Variants in RGS6 observed in about 807,000 individuals in gnomAD.
The protein encoded by RGS6 is regulator of G protein signaling 6.
RGS6 carries 30 observed loss-of-function variants against 78.5 expected under a neutral mutation model. The ratio of observed to expected loss-of-function variants is 0.38; its 90% CI spans 0.29 to 0.52. The LOEUF is 0.52. Ranked by LOEUF, RGS6 falls within the 20% of genes least tolerant of loss-of-function variation. The pLI, the probability that RGS6 is intolerant of heterozygous loss-of-function variation, is 0.85. For synonymous variants in RGS6, 206 were observed against 206.0 expected (o/e 1.00, Z 0.00); for missense variants, 495 against 609.7 (o/e 0.81, Z 1.98).
At chr14:72,042,353 T>C (rs1450927793) in intron 2 of RGS6, among the ~76,000 whole-genome samples, 1 of 152,052 alleles carries the variant, frequency 6.6e-6, no homozygotes, top group African/African-American at 2.4e-5. Flanking sequence ...GGTCTCAAAC[T>C]CCTGATCTCA....
intron 3 of RGS6, among the ~76,000 whole-genome samples, chr14:72,416,019 G>A (rs1009707385): frequency 1.3e-5 from 2 of 151,898 alleles, no homozygotes; most frequent in South Asian, 2.1e-4. Flanking sequence ...GGGGTGTTGC[G>A]TGCCTGTAAT....
chr14:72,100,356 G>A (rs767807156), intron 2 of RGS6, among the ~76,000 whole-genome samples: 6 of 152,012 alleles, frequency 3.9e-5, no homozygotes, highest in African/African-American at 9.7e-5. Flanking sequence ...TTAGCTAGGC[G>A]TGGTGGTGCA....
At chr14:71,954,352 G>T (rs778685883) in intron 1 of RGS6, among the ~76,000 whole-genome samples, 17 of 151,288 alleles carry the variant, frequency 1.1e-4, no homozygotes, top group Non-Finnish European at 1.5e-4. Flanking sequence ...TTCTGCTCTG[G>T]TTTTTTTCCT....
At chr14:72,050,139 C>A (rs2093136656) in intron 2 of RGS6, among the ~76,000 whole-genome samples, 1 of 151,978 alleles carries the variant, frequency 6.6e-6, no homozygotes, top group African/African-American at 2.4e-5. Context: ...ATGAGGTAAA[C>A]TGAAATGTGA....
chr14:72,013,412 T>A (rs1440159203), intron 2 of RGS6, among the ~76,000 whole-genome samples: 2 of 151,974 alleles, frequency 1.3e-5, no homozygotes, highest in Non-Finnish European at 2.9e-5. Context: ...CACAGCTATC[T>A]CAACATATGG....
At chr14:72,098,971 G>A (rs556017740) in intron 2 of RGS6, among the ~76,000 whole-genome samples, 1 of 152,278 alleles carries the variant, frequency 6.6e-6, no homozygotes, top group Admixed American at 6.5e-5. Flanking sequence ...ATTTTAAGGG[G>A]CATCAGTCTC....
At chr14:72,430,696 TGTG>T (rs1445092008) in intron 3 of RGS6, among the ~76,000 whole-genome samples, 3 of 152,298 alleles carry the variant, frequency 2.0e-5, no homozygotes, top group East Asian at 1.9e-4. Context: ...TTTTTTTCTG[TGTG>T]GTGTTGTTGT....
chr14:72,061,864 A>G (rs567892224), intron 2 of RGS6, among the ~76,000 whole-genome samples: 1 of 152,342 alleles, frequency 6.6e-6, no homozygotes, highest in South Asian at 2.1e-4. Flanking sequence ...TAATTCATTC[A>G]TTCTTTATTT....
intron 2 of RGS6, among the ~76,000 whole-genome samples, chr14:72,180,496 A>T (rs1187833159): frequency 3.3e-5 from 5 of 152,244 alleles, no homozygotes; most frequent in Non-Finnish European, 1.5e-5. Flanking sequence ...AGAAAATCTC[A>T]GTCTTGGGTT....
At chr14:72,518,225 T>A (rs2096979955) in intron 14 of RGS6, 126 bp from the exon 15 acceptor site, 1 of 794,062 alleles carries the variant, frequency 1.3e-6, no homozygotes, top group Non-Finnish European at 2.0e-6. Context: ...GCTCATGTAG[T>A]GGCATCAGGG....
At chr14:71,908,117 C>G in the RGS6 span, 1 of 152,222 alleles carries the variant, frequency 6.6e-6, no homozygotes, top group African/African-American at 2.4e-5. Context: ...CAGAGCCGAT[C>G]CTCACACAGT....
At chr14:72,352,795 A>C (rs1211980856) in intron 3 of RGS6, among the ~76,000 whole-genome samples, 1 of 152,168 alleles carries the variant, frequency 6.6e-6, no homozygotes, top group African/African-American at 2.4e-5. Context: ...CCCCTTGGGT[A>C]CCTACTGTAT....
chr14:72,482,699 A>G (rs1242895356), intron 12 of RGS6, among the ~76,000 whole-genome samples: 1 of 152,144 alleles, frequency 6.6e-6, no homozygotes, highest in Non-Finnish European at 1.5e-5. Flanking sequence ...CCTTTTCCAC[A>G]TGGGGATAGT....
chr14:71,910,836 A>G, the RGS6 span, among the ~76,000 whole-genome samples: 1 of 152,166 alleles, frequency 6.6e-6, no homozygotes, highest in African/African-American at 2.4e-5. Flanking sequence ...GAAGGATGCA[A>G]TTTGGGAAAA....
intron 2 of RGS6, among the ~76,000 whole-genome samples, chr14:72,120,714 A>G (rs1283738716): frequency 6.6e-6 from 1 of 152,192 alleles, no homozygotes; most frequent in African/African-American, 2.4e-5. Context: ...TGACCCTTGG[A>G]TTTCATTTAT....
At chr14:72,486,345 G>A (rs139916316) in intron 12 of RGS6, among the ~76,000 whole-genome samples, 35 of 152,276 alleles carry the variant, frequency 2.3e-4, no homozygotes, top group African/African-American at 6.7e-4. Flanking sequence ...CCTCACTTGC[G>A]TCAGGTATCT....
intron 2 of RGS6, among the ~76,000 whole-genome samples, chr14:72,236,739 T>G (rs1212640525): frequency 1.3e-5 from 2 of 152,194 alleles, no homozygotes; most frequent in Non-Finnish European, 2.9e-5. Flanking sequence ...GAGGTGCTCC[T>G]CACTTCCCAG....
intron 2 of RGS6, among the ~76,000 whole-genome samples, chr14:72,256,723 G>C (rs1489995594): frequency 6.6e-6 from 1 of 152,216 alleles, no homozygotes; most frequent in Non-Finnish European, 1.5e-5. Context: ...ATATCCAGAA[G>C]AGTTAGCTTG....
chr14:72,095,844 G>C (rs1325650635), intron 2 of RGS6, among the ~76,000 whole-genome samples: 1 of 152,220 alleles, frequency 6.6e-6, no homozygotes, highest in Non-Finnish European at 1.5e-5. Context: ...GGAAATGCTG[G>C]TGCATTGTCT....
Sources: allele counts gnomAD v4.1 joint callset (sites outside exome capture counted in the v4.1 genomes callset), GRCh38; gene constraint gnomAD v4.1.1; transcripts MANE v1.5; gene names NCBI Gene and HGNC (gene_info 2026-07-23, HGNC 2026-07-21).